KLF12: variants seen among roughly 807,000 people sequenced by gnomAD.
KLF12 encodes the protein KLF transcription factor 12.
In KLF12, 9 loss-of-function variants were observed where a neutral mutation model predicts 37.8. That is an observed-to-expected ratio of 0.24 (90% CI 0.14 to 0.42). The LOEUF (loss-of-function observed/expected upper bound fraction) is 0.42. KLF12 is among the 10% of genes least tolerant of loss of function. The pLI is 1.00. For synonymous variants in KLF12, 208 were observed against 202.1 expected, an observed-to-expected ratio of 1.03 and a Z score of -0.25; for missense variants, 411 against 516.0, an observed-to-expected ratio of 0.80 and a Z score of 1.97.
intron 3 of KLF12, among the ~76,000 whole-genome samples, chr13:73,902,585 G>A (rs1169497246): frequency 1.3e-5 from 2 of 152,160 alleles, no homozygotes; most frequent in Non-Finnish European, 2.9e-5. Flanking sequence ...GACTTTAGGT[G>A]TTACTTTATT....
chr13:74,250,713 A>G, the KLF12 span, among the ~76,000 whole-genome samples: 1 of 152,160 alleles, frequency 6.6e-6, no homozygotes. Context: ...AAAAAGATCA[A>G]GGCTGTTTAG....
At chr13:73,817,548 G>C (rs571845788) in intron 4 of KLF12, among the ~76,000 whole-genome samples, 79 of 152,050 alleles carry the variant, frequency 5.2e-4, no homozygotes, top group Non-Finnish European at 1.2e-4. Context: ...AATTAAGTTT[G>C]GCCTAAAGCT....
At chr13:73,711,123 A>G (rs765646685) in intron 7 of KLF12, among the ~76,000 whole-genome samples, 1 of 152,234 alleles carries the variant, frequency 6.6e-6, no homozygotes, top group Non-Finnish European at 1.5e-5. Context: ...GAGAGAGGTA[A>G]GAAAGCTGCA....
chr13:74,001,730 C>T (rs1450153229), intron 1 of KLF12, among the ~76,000 whole-genome samples: 2 of 152,204 alleles, frequency 1.3e-5, no homozygotes, highest in East Asian at 3.8e-4. Context: ...CTTATCCACA[C>T]TTTTGAATTA....
chr13:73,705,887 C>G (rs1258991394), intron 7 of KLF12, among the ~76,000 whole-genome samples: 1 of 152,188 alleles, frequency 6.6e-6, no homozygotes, highest in Non-Finnish European at 1.5e-5. Flanking sequence ...GGTGCAGTGG[C>G]TCACGCCTGT....
the KLF12 span, among the ~76,000 whole-genome samples, chr13:74,170,928 C>T: frequency 6.6e-6 from 1 of 152,088 alleles, no homozygotes; most frequent in Non-Finnish European, 1.5e-5. Flanking sequence ...CCATGCCCGG[C>T]AAATTTTTGC....
chr13:73,858,346 A>G (rs1050267033), intron 3 of KLF12, among the ~76,000 whole-genome samples: 10 of 152,222 alleles, frequency 6.6e-5, no homozygotes, highest in African/African-American at 2.4e-4. Context: ...TTTCCATAAA[A>G]ATTAACACAT....
At chr13:73,841,089 A>G (rs1314290237) in intron 4 of KLF12, among the ~76,000 whole-genome samples, 1 of 152,190 alleles carries the variant, frequency 6.6e-6, no homozygotes, top group Non-Finnish European at 1.5e-5. Flanking sequence ...CATCTGATAC[A>G]CATGAACTGT....
intron 6 of KLF12, among the ~76,000 whole-genome samples, chr13:73,721,479 G>GT (rs1397381188): frequency 6.6e-6 from 1 of 152,164 alleles, no homozygotes; most frequent in Non-Finnish European, 1.5e-5. Flanking sequence ...AAACCGTTCT[G>GT]TAAGTACTGT....
At chr13:74,172,435 C>T in the KLF12 span, among the ~76,000 whole-genome samples, 644 of 152,202 alleles carry the variant, frequency 4.2e-3, 5 homozygotes, top group African/African-American at 0.014. Flanking sequence ...CAGAGTGGCT[C>T]CAATGCCAAT....
At chr13:74,234,607 A>G in the KLF12 span, among the ~76,000 whole-genome samples, 1 of 152,196 alleles carries the variant, frequency 6.6e-6, no homozygotes, top group South Asian at 2.1e-4. Context: ...AGAAATAAGA[A>G]AGGTATTGGA....
the KLF12 span, among the ~76,000 whole-genome samples, chr13:74,146,621 G>A: frequency 6.6e-6 from 1 of 152,078 alleles, no homozygotes. Context: ...TACACTATTA[G>A]TAAAAAACTA....
At chr13:74,050,106 T>C (rs1400941533) in intron 1 of KLF12, among the ~76,000 whole-genome samples, 3 of 151,894 alleles carry the variant, frequency 2.0e-5, no homozygotes, top group Non-Finnish European at 4.4e-5. Flanking sequence ...ATTGAGAAAT[T>C]CAGAACATCT....
At chr13:73,872,191 T>C (rs1886504545) in intron 3 of KLF12, among the ~76,000 whole-genome samples, 1 of 152,168 alleles carries the variant, frequency 6.6e-6, no homozygotes, top group African/African-American at 2.4e-5. Context: ...TTTTTCTGTG[T>C]GTCTGGCCAT....
chr13:74,031,753 T>G (rs181005257), intron 1 of KLF12, among the ~76,000 whole-genome samples: 1 of 152,074 alleles, frequency 6.6e-6, no homozygotes, highest in East Asian at 1.9e-4. Context: ...TTAAATTAAC[T>G]TATGATTTAG....
chr13:73,797,553 T>C (rs1348371647), intron 5 of KLF12, among the ~76,000 whole-genome samples: 1 of 152,090 alleles, frequency 6.6e-6, no homozygotes, highest in African/African-American at 2.4e-5. Context: ...GAGAATCACT[T>C]GAGGCCACGA....
At chr13:74,267,430 G>A in the KLF12 span, among the ~76,000 whole-genome samples, 3 of 152,234 alleles carry the variant, frequency 2.0e-5, no homozygotes, top group East Asian at 3.8e-4. Flanking sequence ...GTCGTTCATG[G>A]CAACATGGAT....
rs1294045803 is a variant in KLF12, at chr13:73,916,251, A to ACG, written c.123+27729_123+27730insCG. Among the ~76,000 whole-genome samples the ACG allele has an allele frequency of 6.9e-3, 1,017 of 148,290 alleles. 11 individuals are homozygous for ACG. Among genetic ancestry groups the ACG allele is most frequent in the African/African-American group, 0.024 (950 of 39,566 alleles). ...CACACACACACACACGCACACGCAC[A>ACG]CACACACACACACACAGCTTTAAAG... On this transcript the variant is annotated intron_variant, in intron 3 of 7. Transcript: ENST00000377669.
At chr13:73,984,209 G>A (rs1294311290) in intron 2 of KLF12, among the ~76,000 whole-genome samples, 1 of 152,188 alleles carries the variant, frequency 6.6e-6, no homozygotes, top group East Asian at 1.9e-4. Context: ...TTTCAGAACT[G>A]TCTTCCCTGC....
Sources: allele counts gnomAD v4.1 joint callset (sites outside exome capture counted in the v4.1 genomes callset), GRCh38; gene constraint gnomAD v4.1.1; transcripts MANE v1.5; gene names NCBI Gene and HGNC (gene_info 2026-07-23, HGNC 2026-07-21).